Variants in GATA6 observed in about 807,000 individuals in gnomAD.
The protein encoded by GATA6 is GATA binding protein 6.
A neutral mutation model predicts 48.1 loss-of-function variants in GATA6; 11 were observed. The observed-to-expected ratio is 0.23, with a 90% CI of 0.14 to 0.38. The LOEUF (loss-of-function observed/expected upper bound fraction) is 0.38. Ranked by LOEUF, GATA6 falls within the 10% of genes least tolerant of loss-of-function variation. The pLI, the probability that GATA6 is intolerant of heterozygous loss-of-function variation, is 1.00. For missense variants in GATA6, 795 were observed against 850.3 expected, an observed-to-expected ratio of 0.93 and a Z score of 0.81; for synonymous variants, 419 against 396.1, an observed-to-expected ratio of 1.06 and a Z score of -0.69.
rs796983905 is a variant in GATA6 at position 22,172,994 on chromosome 18, T to G, written c.1135+715T>G. Among the ~76,000 whole-genome samples, 17 of 152,278 alleles carry G rather than the reference T, an allele frequency of 1.1e-4. No individual in the cohort carries two copies. The highest frequency in any genetic ancestry group is 3.6e-4 in the African/African-American group (15 of 41,570). ...CTGGGCCTTGGTCTGGGGCTGCTGC[T>G]CACATGGCCAGGCTGCAACTCAGGG... is the stretch of plus-strand genomic sequence containing the variant. On this transcript the variant is annotated intron_variant, in intron 2 of 6. Transcript: ENST00000269216. The surrounding 1 kb of genome is among the most constrained non-coding windows in gnomAD (Gnocchi z 5.2).
chr18:22,184,303 TTTAGAGTTTCACAAGGGA>T (rs747230202), intron 6 of GATA6, among the ~76,000 whole-genome samples: 166 of 152,180 alleles, frequency 1.1e-3, no homozygotes, highest in Non-Finnish European at 1.7e-3. Context: ...AAAACGTCTT[TTTAGAGTTTCACAAGGGA>T]AGAAGCCTTT....
intron 6 of GATA6, among the ~76,000 whole-genome samples, chr18:22,190,026 G>A (rs1003726271): frequency 1.4e-4 from 21 of 152,162 alleles, no homozygotes; most frequent in Non-Finnish European, 5.9e-5. Context: ...ATTAATATGC[G>A]ATATTAGTTC....
intron 2 of GATA6, among the ~76,000 whole-genome samples, chr18:22,175,001 G>A (rs566151329): frequency 2.0e-5 from 3 of 152,152 alleles, no homozygotes; most frequent in South Asian, 4.2e-4. Flanking sequence ...AAAGACAGGT[G>A]GTGGTGCCCT....
In GATA6 at chr18:22,174,269, G is replaced by C. The variant is rs141714227; in HGVS notation, c.1135+1990G>C. On this transcript the variant is annotated intron_variant, in intron 2 of 6. Coordinates refer to ENST00000269216, the MANE Select transcript of GATA6 (RefSeq NM_005257.6). ...GCGCCTGCAGCTCTGCCTATTTCTT[G>C]ACACACCTTAGCCTGATCTCCAGGT... Among the ~76,000 whole-genome samples, 530 of 152,292 alleles carry C rather than the reference G, an allele frequency of 3.5e-3. 6 individuals are homozygous for C. Among genetic ancestry groups the C allele is most frequent in the African/African-American group, 0.011 (461 of 41,564 alleles).
At position 22,201,159 on chromosome 18, in the gene GATA6, A is replaced by C; in HGVS notation, c.*336A>C. On this transcript the variant is annotated 3_prime_UTR_variant, in exon 7 of 7. Coordinates refer to ENST00000269216, the MANE Select transcript of GATA6 (RefSeq NM_005257.6). ...AAAAAAGATTTTGCATTTTGTCCAA[A>C]ATCATGTGCTTCTTCTGATCAATTT... 1 of 327,996 alleles carries C rather than the reference A, an allele frequency of 3.0e-6. No individual in the cohort carries two copies. Among genetic ancestry groups the C allele is most frequent in the Middle Eastern group, 9.6e-4 (1 of 1,044 alleles). 20.3% of individuals were successfully genotyped at this position (327,996 alleles called of 1,614,324 possible).
intron 3 of GATA6, 82 bp downstream of exon 3, chr18:22,177,203 G>A (rs1034826866): frequency 2.3e-6 from 3 of 1,331,986 alleles, no homozygotes; most frequent in Non-Finnish European, 3.0e-6. Context: ...GGCTCGGCCT[G>A]CCTTGGGCGT....
intron 6 of GATA6, among the ~76,000 whole-genome samples, chr18:22,184,248 T>C (rs1236439930): frequency 2.0e-5 from 3 of 152,154 alleles, no homozygotes; most frequent in African/African-American, 7.2e-5. Context: ...ATATTTTTCT[T>C]TGTCCTCCTA....
chr18:22,188,446 A>G (rs1598739800), intron 6 of GATA6, among the ~76,000 whole-genome samples: 1 of 152,318 alleles, frequency 6.6e-6, no homozygotes, highest in Non-Finnish European at 1.5e-5. Context: ...GGATAGAGGT[A>G]TCCAGGAAAG....
At position 22,171,087 on chromosome 18, in the gene GATA6, G is replaced by A; in HGVS notation, c.-37-21G>A. ...AACCCGTCGATCTCCTACCATACCCGTCTCCCCCACCCCACCTCAGGAGCT... is the reference window on the plus strand; with the variant it reads ...AACCCGTCGATCTCCTACCATACCCATCTCCCCCACCCCACCTCAGGAGCT... On this transcript the variant is annotated intron_variant, in intron 1 of 6. Coordinates refer to ENST00000269216, the MANE Select transcript of GATA6 (RefSeq NM_005257.6). This position sits in a 1 kb window ranked among gnomAD's most constrained non-coding sequence, Gnocchi z 7.1. 1 of 1,494,344 alleles carries A rather than the reference G, an allele frequency of 6.7e-7. No homozygotes were observed. Among genetic ancestry groups the A allele is most frequent in the Non-Finnish European group, 9.2e-7 (1 of 1,089,020 alleles). The allele number at this position is 1,494,344 out of a possible 1,614,324, so 92.6% of individuals were successfully genotyped here.
chr18:22,195,097 C>T (rs1386062416), intron 6 of GATA6, among the ~76,000 whole-genome samples: 4 of 152,066 alleles, frequency 2.6e-5, no homozygotes, highest in African/African-American at 9.7e-5. Context: ...ACTCGGGAGG[C>T]GGAGGTTGTA....
At chr18:22,187,718 T>G (rs1219355364) in intron 6 of GATA6, among the ~76,000 whole-genome samples, 2 of 152,140 alleles carry the variant, frequency 1.3e-5, no homozygotes, top group Non-Finnish European at 2.9e-5. Context: ...TTTGTAAAAC[T>G]GGAGGATACT....
chr18:22,200,566 C>A, intron 6 of GATA6, 90 bp from the exon 7 acceptor site: 1 of 1,527,732 alleles, frequency 6.5e-7, no homozygotes, highest in Non-Finnish European at 9.1e-7. Context: ...GCTGCACAGA[C>A]CCGTTCATTA....
At chr18:22,179,297 C>G (rs534591397) in intron 3 of GATA6, among the ~76,000 whole-genome samples, 1 of 152,292 alleles carries the variant, frequency 6.6e-6, no homozygotes, top group East Asian at 1.9e-4. Context: ...TTTGTTTAGC[C>G]AGCACTATAG....
Position 22,201,439 on chromosome 18 carries a change from A to G in GATA6, c.*616A>G, listed in dbSNP as rs372507351. ...ATTTGTAAACAGGGTAGCAAACAAG[A>G]TATTTTTCTTCCATGTATACAATAA... On this transcript the variant is annotated 3_prime_UTR_variant, in exon 7 of 7. Coordinates refer to ENST00000269216, the MANE Select transcript of GATA6 (RefSeq NM_005257.6). 1 of 153,210 alleles carries G rather than the reference A, an allele frequency of 6.5e-6. No individual in the cohort carries two copies. Among genetic ancestry groups the G allele is most frequent in the Non-Finnish European group, 1.5e-5 (1 of 68,470 alleles). The allele number at this position is 153,210 out of a possible 1,614,324, so 9.5% of individuals were successfully genotyped here.
chr18:22,170,245 G>A lies in GATA6; in HGVS notation c.-38+563G>A, dbSNP rs1195561144. Among the ~76,000 whole-genome samples the A allele has an allele frequency of 6.6e-6, 1 of 152,144 alleles. No homozygotes were observed. Among genetic ancestry groups the A allele is most frequent in the African/African-American group, 2.4e-5 (1 of 41,424 alleles). ...CTCTCCGCTCCACCCCGCTACGTCC[G>A]ATTCCGGAACGGTCCGGCGTTTCTG... On this transcript the variant is annotated intron_variant, in intron 1 of 6. Transcript: ENST00000269216. This position sits in a 1 kb window ranked among gnomAD's most constrained non-coding sequence, Gnocchi z 6.7.
intron 3 of GATA6, among the ~76,000 whole-genome samples, chr18:22,177,464 GA>G (rs759530551): frequency 3.3e-5 from 5 of 152,106 alleles, no homozygotes; most frequent in Non-Finnish European, 7.4e-5. Flanking sequence ...AGCAAAAAAA[GA>G]AAAAATAATC....
chr18:22,184,403 T>G (rs563034733), intron 6 of GATA6, among the ~76,000 whole-genome samples: 6 of 152,106 alleles, frequency 3.9e-5, no homozygotes, highest in African/African-American at 1.4e-4. Context: ...CTCCATGCTA[T>G]GGTGTTGTGT....
intron 6 of GATA6, among the ~76,000 whole-genome samples, chr18:22,196,813 A>G (rs925481493): frequency 2.0e-5 from 3 of 152,102 alleles, no homozygotes; most frequent in African/African-American, 7.2e-5. Flanking sequence ...ACTTTGATTT[A>G]TTTTTGCGAA....
rs946955474 is a variant in GATA6, at chr18:22,176,771, A to C, written c.1136-184A>C. On this transcript the variant is annotated intron_variant, in intron 2 of 6. Transcript: ENST00000269216. The stretch of plus-strand genomic sequence containing the variant: ...GTGCAGAAGTATTGGACAAATGGTC[A>C]GTGGAGCAATAGTGACGAAATAACC... 6.9e-5 allele frequency: 44 copies of C among 641,100 alleles called. No individual in the cohort carries two copies. In the African/African-American group the frequency reaches 8.6e-4, roughly 12 times the overall value. The allele number at this position is 641,100 out of a possible 1,614,324, so 39.7% of individuals were successfully genotyped here. A position where few individuals can be genotyped will look rare whatever the true frequency, so the allele number is the denominator to read the frequency against.
Sources: allele counts gnomAD v4.1 joint callset (sites outside exome capture counted in the v4.1 genomes callset), GRCh38; gene constraint gnomAD v4.1.1; non-coding constraint Gnocchi (gnomAD v3.1); transcripts MANE v1.5; gene names NCBI Gene and HGNC (gene_info 2026-07-23, HGNC 2026-07-21).